Variants in TIAM1 observed in about 807,000 individuals in gnomAD.
TIAM1 encodes rho guanine nucleotide exchange factor TIAM1.
A neutral mutation model predicts 163.5 loss-of-function variants in TIAM1; 65 were observed. That is an observed-to-expected ratio of 0.40 (90% confidence interval 0.33 to 0.49). The LOEUF (loss-of-function observed/expected upper bound fraction) is 0.49, where lower values mean the gene tolerates loss of function less well. Among genes scored for constraint, TIAM1 ranks in the 20% least tolerant of loss-of-function variants. TIAM1 has a pLI of 0.77. For missense variants in TIAM1, 1,789 were observed against 2,044.7 expected, an observed-to-expected ratio of 0.87 and a Z score of 2.41; for synonymous variants, 833 against 810.1, an observed-to-expected ratio of 1.03 and a Z score of -0.48.
At chr21:31,166,324 A>C (rs758702480) in intron 15 of TIAM1, among the ~76,000 whole-genome samples, 17 of 152,180 alleles carry the variant, frequency 1.1e-4, no homozygotes, top group Non-Finnish European at 7.3e-5. Flanking sequence ...AGAGAGAAGG[A>C]AAGAGAAGAA....
chr21:31,148,789 T>C (rs2083248376), intron 19 of TIAM1, among the ~76,000 whole-genome samples: 1 of 152,214 alleles, frequency 6.6e-6, no homozygotes, highest in Non-Finnish European at 1.5e-5. Context: ...CCAATGTTTC[T>C]GTTCTGTAGG....
intron 19 of TIAM1, among the ~76,000 whole-genome samples, chr21:31,151,993 AATTT>A (rs1472717716): frequency 6.8e-6 from 1 of 146,186 alleles, no homozygotes; most frequent in African/African-American, 2.5e-5. Flanking sequence ...ACGATAAATT[AATTT>A]GTTTACTGGG....
chr21:31,346,407 G>A (rs868263617), upstream of TIAM1, among the ~76,000 whole-genome samples: 2 of 152,152 alleles, frequency 1.3e-5, no homozygotes, highest in African/African-American at 2.4e-5. Context: ...ACTGAGATCA[G>A]AGGCAGGAAA....
rs1014132270 is a variant in TIAM1, at chr21:31,432,133, G to A, written c.-369+31850C>T. 1.2e-4 allele frequency among the ~76,000 whole-genome samples: 14 copies of A among 115,340 alleles called. No homozygotes were observed. In the South Asian group the frequency reaches 2.7e-3, roughly 23 times the overall value. The allele number at this position is 115,340 out of a possible 152,430, so 75.7% of individuals were successfully genotyped here. A position where few individuals can be genotyped will look rare whatever the true frequency, so the allele number is the denominator to read the frequency against. On this transcript the variant is annotated intron_variant, in intron 2 of 28. Transcript: ENST00000286827. ...TTTTTTTTTTTTGAGACGGAGTCTC[G>A]CTCTGACACCAGGCTGGAGGGCAGT... is the stretch of plus-strand genomic sequence containing the variant.
upstream of TIAM1, among the ~76,000 whole-genome samples, chr21:31,347,309 C>T (rs1030928756): frequency 1.3e-5 from 2 of 152,134 alleles, no homozygotes; most frequent in African/African-American, 4.8e-5. Context: ...TGGAGAGGCC[C>T]CAGGCATTGG....
At chr21:31,194,454 A>G (rs537288182) in intron 13 of TIAM1, among the ~76,000 whole-genome samples, 5 of 152,322 alleles carry the variant, frequency 3.3e-5, no homozygotes, top group Admixed American at 2.0e-4. Context: ...ATTTCTCAAA[A>G]TTTATAGTTT....
intron 1 of TIAM1, among the ~76,000 whole-genome samples, chr21:31,512,639 A>G (rs2047249420): frequency 8.2e-6 from 1 of 121,504 alleles, no homozygotes; most frequent in East Asian, 2.2e-4. Flanking sequence ...TTTTTTTGAG[A>G]CAGGGTCTCA....
intron 1 of TIAM1, among the ~76,000 whole-genome samples, chr21:31,469,712 G>C (rs1016114297): frequency 3.3e-5 from 5 of 151,850 alleles, no homozygotes; most frequent in Non-Finnish European, 7.4e-5. Flanking sequence ...GGCGCCTGTA[G>C]TCCCAGCTAC....
chr21:31,407,928 G>T (rs1385082488), intron 2 of TIAM1, among the ~76,000 whole-genome samples: 2 of 152,114 alleles, frequency 1.3e-5, no homozygotes, highest in African/African-American at 4.8e-5. Flanking sequence ...GTCAGCCACC[G>T]GGCCCAGCCT....
intron 2 of TIAM1, among the ~76,000 whole-genome samples, chr21:31,332,592 C>T (rs1172052233): frequency 6.6e-6 from 1 of 151,964 alleles, no homozygotes. Flanking sequence ...TCACTCACCT[C>T]ACTCAAAAAA....
intron 1 of TIAM1, among the ~76,000 whole-genome samples, chr21:31,474,161 G>A (rs750283417): frequency 4.6e-5 from 7 of 152,188 alleles, no homozygotes; most frequent in African/African-American, 7.2e-5. Flanking sequence ...GCACCAAGCC[G>A]TCTGTGAGGG....
At chr21:31,332,717 A>AG (rs1197014839) in intron 2 of TIAM1, among the ~76,000 whole-genome samples, 1 of 151,846 alleles carries the variant, frequency 6.6e-6, no homozygotes, top group African/African-American at 2.4e-5. Flanking sequence ...AACCACCACC[A>AG]GGGAACTCGC....
intron 2 of TIAM1, among the ~76,000 whole-genome samples, chr21:31,281,094 A>C (rs1176684509): frequency 2.0e-5 from 3 of 151,006 alleles, no homozygotes; most frequent in Non-Finnish European, 2.9e-5. Flanking sequence ...TCAAAAAAAA[A>C]AAAAAAAAAA....
chr21:31,326,593 A>C (rs941979211), intron 2 of TIAM1, among the ~76,000 whole-genome samples: 2 of 152,212 alleles, frequency 1.3e-5, no homozygotes, highest in Non-Finnish European at 2.9e-5. Context: ...CAACAAAAAG[A>C]TAGGGCAAGT....
intron 2 of TIAM1, among the ~76,000 whole-genome samples, chr21:31,303,862 C>T (rs577125697): frequency 6.6e-6 from 1 of 152,248 alleles, no homozygotes; most frequent in African/African-American, 2.4e-5. Flanking sequence ...CCTGTAATCC[C>T]AGCTACTCAG....
chr21:31,268,914 T>C lies in TIAM1; in HGVS notation c.-11-1931A>G, dbSNP rs562873254. ...ATACCTGGATGTGCCTATGTAACTATATGTTTTGCCAATAAATAAAGACTT... is the reference window on the plus strand; with the variant it reads ...ATACCTGGATGTGCCTATGTAACTACATGTTTTGCCAATAAATAAAGACTT... On this transcript the variant is annotated intron_variant, in intron 3 of 27. Transcript: ENST00000541036. 1.1e-3 allele frequency among the ~76,000 whole-genome samples: 165 copies of C among 152,344 alleles called. 1 individual carries two copies. The Middle Eastern group carries it at 0.017, about 16-fold the overall frequency.
chr21:31,459,003 G>A (rs560451522), intron 2 of TIAM1, among the ~76,000 whole-genome samples: 3 of 152,268 alleles, frequency 2.0e-5, no homozygotes, highest in East Asian at 1.9e-4. Flanking sequence ...AGAGAGAGGC[G>A]GGGCCAAATC....
At chr21:31,502,292 G>A (rs988498843) in intron 1 of TIAM1, among the ~76,000 whole-genome samples, 2 of 152,136 alleles carry the variant, frequency 1.3e-5, no homozygotes, top group Non-Finnish European at 2.9e-5. Flanking sequence ...TATCTTTTGA[G>A]ACAGGGTCTC....
intron 11 of TIAM1, among the ~76,000 whole-genome samples, chr21:31,208,560 C>A (rs1014184692): frequency 2.0e-5 from 3 of 152,128 alleles, no homozygotes; most frequent in Admixed American, 2.0e-4. Context: ...AAAGCTAGAA[C>A]CCTCGTACAT....
Sources: allele counts gnomAD v4.1 joint callset (sites outside exome capture counted in the v4.1 genomes callset), GRCh38; gene constraint gnomAD v4.1.1; transcripts MANE v1.5; gene names NCBI Gene and HGNC (gene_info 2026-07-23, HGNC 2026-07-21).